Variants in WSB1 observed in about 807,000 individuals in gnomAD.
The protein encoded by WSB1 is WD repeat and SOCS box containing 1, also known as WD repeat and SOCS box-containing protein 1.
WSB1 carries 23 observed loss-of-function variants against 50.2 expected under a neutral mutation model. The ratio of observed to expected loss-of-function variants is 0.46; its 90% CI spans 0.33 to 0.65. The LOEUF (loss-of-function observed/expected upper bound fraction) is 0.65. Among genes scored for constraint, WSB1 ranks in the 30% least tolerant of loss-of-function variants. WSB1 has a pLI of 0.02. For synonymous variants in WSB1, 179 were observed against 172.0 expected, an observed-to-expected ratio of 1.04 and a Z score of -0.32; for missense variants, 492 against 522.3, an observed-to-expected ratio of 0.94 and a Z score of 0.56.
chr17:27,309,046 AT>A, intron 5 of WSB1, 53 bp from the exon 6 acceptor site: 1 of 1,501,782 alleles, frequency 6.7e-7, no homozygotes, highest in Non-Finnish European at 8.9e-7. Flanking sequence ...AAGATGTGCC[AT>A]TTTGTCCTCT....
chr17:27,302,004 C>T, intron 2 of WSB1, 48 bp downstream of exon 2: 1 of 1,501,034 alleles, frequency 6.7e-7, no homozygotes, highest in Non-Finnish European at 8.9e-7. Context: ...TGGAATTTAC[C>T]ATTTTCTCTC....
At chr17:27,309,645 C>T (rs990634192) in intron 6 of WSB1, among the ~76,000 whole-genome samples, 4 of 151,708 alleles carry the variant, frequency 2.6e-5, no homozygotes, top group Admixed American at 2.6e-4. Flanking sequence ...TGCAGTGGCG[C>T]AATCTCAGCT....
chr17:27,299,914 A>G (rs1247560851), intron 1 of WSB1, among the ~76,000 whole-genome samples: 2 of 152,166 alleles, frequency 1.3e-5, no homozygotes, highest in African/African-American at 4.8e-5. Flanking sequence ...AGTTGCACCA[A>G]AATAGTGTAA....
Position 27,313,657 on chromosome 17 carries a change from T to C in WSB1, c.*1288T>C, listed in dbSNP as rs1484742041. On this transcript the variant is annotated 3_prime_UTR_variant, in exon 9 of 9. Transcript: ENST00000262394. ...CAGTATATTGCAAATGTTTCTTAAA[T>C]AGGTTAGGTGGAGTACTTTCTCTCT... 1 of 151,508 alleles carries C rather than the reference T, an allele frequency of 6.6e-6. No individual in the cohort carries two copies. The highest frequency in any genetic ancestry group is 2.4e-5 in the African/African-American group (1 of 41,266). 9.4% of individuals were successfully genotyped at this position (151,508 alleles called of 1,614,324 possible). A position where few individuals can be genotyped will look rare whatever the true frequency, so the allele number is the denominator to read the frequency against.
chr17:27,307,649 G>T, intron 5 of WSB1: 1 of 1,293,106 alleles, frequency 7.7e-7, no homozygotes, highest in Non-Finnish European at 1.1e-6. Context: ...ACTCAGTTTA[G>T]TTCTTTACAA....
At position 27,301,828 on chromosome 17, in the gene WSB1, T is replaced by A. The variant is rs2017243208; in HGVS notation, c.81T>A (p.Ala27=). Residue 27 remains alanine (A), a synonymous_variant, in exon 2 of 9, where the codon GCT becomes GCA. Transcript: ENST00000262394. The stretch of plus-strand genomic sequence containing the variant: ...TAGGTGAACTTTTAGCTCCTGCAGC[T>A]CCTTTTGACAAGAAATGTGGTCGTG... ...RTIGELLAPA[A]PFDKKCGREN... is the part of the protein sequence containing the mutation. The A allele has an allele frequency of 6.2e-7, 1 of 1,614,066 alleles. No individual in the cohort carries two copies. Among genetic ancestry groups the A allele is most frequent in the Admixed American group, 1.7e-5 (1 of 59,988 alleles).
In WSB1 at chr17:27,294,126, GCA is replaced by G. The variant is rs1297799639; in HGVS notation, c.-269_-268del. ...CCATTTTGACTCCAGTGTCTCGTTT[GCA>G]GTCGGCGCTTTAGGGGAACTGTCTT... On this transcript the variant is annotated 5_prime_UTR_variant, in exon 1 of 9. Transcript: ENST00000262394. 2.0e-5 allele frequency: 6 copies of G among 300,426 alleles called. No homozygotes were observed. Among genetic ancestry groups the G allele is most frequent in the Non-Finnish European group, 3.7e-5 (6 of 161,976 alleles). 18.6% of individuals were successfully genotyped at this position (300,426 alleles called of 1,614,324 possible). A position where few individuals can be genotyped will look rare whatever the true frequency, so the allele number is the denominator to read the frequency against.
chr17:27,308,759 C>CTT, intron 5 of WSB1: 1 of 992,364 alleles, frequency 1.0e-6, no homozygotes, highest in Non-Finnish European at 1.2e-6. Context: ...GTTTGTAGTA[C>CTT]TTAACCCTAT....
chr17:27,301,998 AT>A, intron 2 of WSB1, 42 bp downstream of exon 2: 1 of 1,506,132 alleles, frequency 6.6e-7, no homozygotes, highest in Non-Finnish European at 8.8e-7. Context: ...TGTTTGTGGA[AT>A]TTACCATTTT....
intron 1 of WSB1, among the ~76,000 whole-genome samples, chr17:27,298,765 G>A (rs2017099233): frequency 6.6e-6 from 1 of 152,184 alleles, no homozygotes; most frequent in South Asian, 2.1e-4. Flanking sequence ...TCGGGAGGCT[G>A]AGGCAGGAGA....
Position 27,303,562 on chromosome 17 carries a change from A to T in WSB1, c.405A>T (p.Arg135Ser), listed in dbSNP as rs767910626. ...RCVNIEWHRF[R>S]FGQDQLLLAT... The stretch of plus-strand genomic sequence containing the variant: ...TAAATATAGAATGGCATCGCTTCAG[A>T]TTTGGACAAGATCAGCTACTTCTTG... The change falls in exon 3 of 9, where the codon AGA becomes AGT. Residue 135 changes from arginine to serine, a missense_variant. Arg to Ser is a moderately radical substitution (Grantham distance 110, BLOSUM62 -1). Transcript: ENST00000262394. The T allele has an allele frequency of 6.2e-7, 1 of 1,614,186 alleles. No homozygotes were observed.
At position 27,303,447 on chromosome 17, in the gene WSB1, A is replaced by G. The variant is rs140976099; in HGVS notation, c.290A>G (p.Asn97Ser). Reference protein sequence around the residue: ...PRQNSDGGQKNKPREHIIDCG... With the variant: ...PRQNSDGGQKSKPREHIIDCG... ...CAAAATAGTGATGGTGGTCAGAAAA[A>G]TAAGCCTCGTGAACATATTATAGAC... The change falls in exon 3 of 9, where the codon AAT (asparagine) becomes AGT (serine). Residue 97 changes from asparagine to serine, a missense_variant. By Grantham distance (46) the Asn-to-Ser change is conservative (BLOSUM62 1). Transcript: ENST00000262394. 8.5e-5 allele frequency: 137 copies of G among 1,614,146 alleles called. 1 individual carries two copies. The African/African-American group carries it at 1.7e-3, about 20-fold the overall frequency.
chr17:27,295,717 G>A (rs2016931792), intron 1 of WSB1, among the ~76,000 whole-genome samples: 1 of 152,088 alleles, frequency 6.6e-6, no homozygotes, highest in Non-Finnish European at 1.5e-5. Context: ...AGTCCAGTGG[G>A]TTTTTCTTTT....
chr17:27,294,771 C>T (rs7212516), intron 1 of WSB1, among the ~76,000 whole-genome samples: 9,783 of 152,138 alleles, frequency 0.064, 842 homozygotes, highest in African/African-American at 0.19. Context: ...AAGGGCCACT[C>T]AGGGACTTTA....
rs118105610 is a variant in WSB1, at chr17:27,297,757, T to C, written c.40+3322T>C. ...CAGTGTGCCTGTCCTATTACCACTA[T>C]ACACAAGGAGTTCCATGATTGTGGT... On this transcript the variant is annotated intron_variant, in intron 1 of 8. Coordinates refer to ENST00000262394, the MANE Select transcript of WSB1 (RefSeq NM_015626.10). 2.2e-3 allele frequency among the ~76,000 whole-genome samples: 339 copies of C among 152,274 alleles called. 3 individuals are homozygous for C. Among genetic ancestry groups the C allele is most frequent in the East Asian group, 0.016 (81 of 5,174 alleles).
rs72845637 is a variant in WSB1 at position 27,308,689 on chromosome 17, G to A, written c.712-411G>A. ...TGGAGTAACAATTTGTTAACCTTAC[G>A]TTTTCTGTCTGTATATTTTTTTAAA... On this transcript the variant is annotated intron_variant, in intron 5 of 8. Transcript: ENST00000262394. The A allele has an allele frequency of 6.9e-3, 6,763 of 986,648 alleles. 27 individuals carry two copies. The highest frequency in any genetic ancestry group is 7.7e-3 in the Non-Finnish European group (6,358 of 830,558). The allele number at this position is 986,648 out of a possible 1,614,324, so 61.1% of individuals were successfully genotyped here. A position where few individuals can be genotyped will look rare whatever the true frequency, so the allele number is the denominator to read the frequency against.
In WSB1 at chr17:27,313,272, T is replaced by A. The variant is rs2017758203; in HGVS notation, c.*903T>A. 1 of 151,000 alleles carries A rather than the reference T, an allele frequency of 6.6e-6. No homozygotes were observed. Among genetic ancestry groups the A allele is most frequent in the Admixed American group, 6.6e-5 (1 of 15,072 alleles). The allele number at this position is 151,000 out of a possible 1,614,324, so 9.4% of individuals were successfully genotyped here. ...AGGATGTCTTTTTTTTTTTTTTTAC[T>A]CCCCCTCTAAACACTGCTGCTGCCT... On this transcript the variant is annotated 3_prime_UTR_variant, in exon 9 of 9. Transcript: ENST00000262394.
rs760370589 is a variant in WSB1, at chr17:27,315,192, C to A, written c.*2823C>A. 5 of 152,192 alleles carry A rather than the reference C, an allele frequency of 3.3e-5. No homozygotes were observed. Among genetic ancestry groups the A allele is most frequent in the Non-Finnish European group, 5.9e-5 (4 of 68,044 alleles). The allele number at this position is 152,192 out of a possible 1,614,324, so 9.4% of individuals were successfully genotyped here. On this transcript the variant is annotated 3_prime_UTR_variant, in exon 9 of 9. Coordinates refer to ENST00000262394, the MANE Select transcript of WSB1 (RefSeq NM_015626.10). ...GAAGACGTTGATTATGGACTTGGAT[C>A]AGATTCTAGCTACATGATTTGAAAA...
Position 27,314,562 on chromosome 17 carries a change from T to G in WSB1, c.*2193T>G, listed in dbSNP as rs1228960820. 1 of 152,086 alleles carries G rather than the reference T, an allele frequency of 6.6e-6. No homozygotes were observed. Among genetic ancestry groups the G allele is most frequent in the Non-Finnish European group, 1.5e-5 (1 of 68,002 alleles). The allele number at this position is 152,086 out of a possible 1,614,324, so 9.4% of individuals were successfully genotyped here. A position where few individuals can be genotyped will look rare whatever the true frequency, so the allele number is the denominator to read the frequency against. ...CTGCACTCCAGCCTGGGTGACAGAG[T>G]AAGACTCTAAATAAATAAGATACCA... is the stretch of plus-strand genomic sequence containing the variant. On this transcript the variant is annotated 3_prime_UTR_variant, in exon 9 of 9. Coordinates refer to ENST00000262394, the MANE Select transcript of WSB1 (RefSeq NM_015626.10).
Sources: gnomAD v4.1 joint callset for allele counts (sites outside exome capture counted in the v4.1 genomes callset) on GRCh38, gnomAD v4.1.1 for gene constraint, MANE v1.5 for transcripts, NCBI Gene and HGNC (gene_info 2026-07-23, HGNC 2026-07-21) for gene names.